COL4A2: variants seen among roughly 807,000 people sequenced by gnomAD.
The protein encoded by COL4A2 is collagen type IV alpha 2 chain.
In COL4A2, 99 loss-of-function variants were observed where a neutral mutation model predicts 200.2. The observed-to-expected ratio is 0.49, with a 90% confidence interval of 0.42 to 0.58. The LOEUF (loss-of-function observed/expected upper bound fraction) is 0.58, where lower values mean the gene tolerates loss of function less well. Among genes scored for constraint, COL4A2 ranks in the 20% least tolerant of loss-of-function variants. The pLI is 0.00. For synonymous variants in COL4A2, 897 were observed against 900.6 expected (o/e 1.00, Z 0.07); for missense variants, 1,950 against 2,314.1 (o/e 0.84, Z 3.23).
At chr13:110,491,414 T>C in intron 37 of COL4A2, 74 bp downstream of exon 37, 2 of 984,476 alleles carry the variant, frequency 2.0e-6, no homozygotes, top group Non-Finnish European at 3.2e-6. Flanking sequence ...GCGGTCAACA[T>C]TGTCAATTTC....
intron 4 of COL4A2, among the ~76,000 whole-genome samples, chr13:110,359,309 T>C (rs1252781870): frequency 6.6e-6 from 1 of 152,196 alleles, no homozygotes; most frequent in Non-Finnish European, 1.5e-5. Flanking sequence ...TAAAACTGAG[T>C]CTTGGTGTTA....
intron 33 of COL4A2, among the ~76,000 whole-genome samples, chr13:110,485,306 A>G (rs1019819376): frequency 3.9e-5 from 6 of 152,092 alleles, no homozygotes; most frequent in East Asian, 1.9e-4. Context: ...GGTGGATCAC[A>G]AGGTGAGGAG....
chr13:110,408,008 G>A (rs7319219), intron 4 of COL4A2, among the ~76,000 whole-genome samples: 150,875 of 152,368 alleles, frequency 0.99, 74,710 homozygotes, highest in East Asian at 1. Context: ...GCGTCCAGGA[G>A]GGAGGTAGGA....
chr13:110,505,285 G>A (rs1883819031), intron 45 of COL4A2, among the ~76,000 whole-genome samples: 1 of 152,192 alleles, frequency 6.6e-6, no homozygotes, highest in Non-Finnish European at 1.5e-5. Context: ...AGGAGGTGGA[G>A]GTTGCAATGA....
chr13:110,330,772 T>C (rs1875872822), intron 3 of COL4A2, among the ~76,000 whole-genome samples: 3 of 152,118 alleles, frequency 2.0e-5, no homozygotes, highest in Non-Finnish European at 4.4e-5. Context: ...CTAGATACTT[T>C]TTGCTGAGAG....
chr13:110,350,227 A>G (rs1325672245), intron 3 of COL4A2, among the ~76,000 whole-genome samples: 1 of 152,244 alleles, frequency 6.6e-6, no homozygotes, highest in Non-Finnish European at 1.5e-5. Flanking sequence ...AATGTAATCT[A>G]AGGTTTCTGG....
At chr13:110,381,307 C>T (rs750894426) in intron 4 of COL4A2, among the ~76,000 whole-genome samples, 30 of 146,702 alleles carry the variant, frequency 2.0e-4, no homozygotes, top group Admixed American at 5.4e-4. Context: ...TCACACCCAC[C>T]GGCTCTATCT....
chr13:110,375,858 A>G (rs990953556), intron 4 of COL4A2, among the ~76,000 whole-genome samples: 8 of 152,100 alleles, frequency 5.3e-5, no homozygotes, highest in African/African-American at 1.9e-4. Flanking sequence ...AGAGAAAATC[A>G]TCGTGATTAT....
rs1284610180 is a variant in COL4A2 at position 110,503,879 on chromosome 13, G to A, written c.4171G>A (p.Ala1391Thr). 16 of 1,613,848 alleles carry A rather than the reference G, an allele frequency of 9.9e-6. No homozygotes were observed. Among genetic ancestry groups the A allele is most frequent in the Non-Finnish European group, 1.4e-5 (16 of 1,179,840 alleles). Residue 1391 changes from alanine to threonine, a missense_variant, in exon 44 of 48, where the codon GCA (alanine) becomes ACA (threonine). Physicochemically the swap from Ala to Thr is moderately conservative, Grantham distance 58. Coordinates refer to ENST00000360467, the MANE Select transcript of COL4A2 (RefSeq NM_001846.4). ...APGTVGAPGI[A>T]GIPQKIAVQP... is the part of the protein sequence containing the mutation. ...CGGGACTGTGGGAGCCCCCGGGATT[G>A]CAGGAATCCCCCAGAAGATTGCCGT... is the stretch of plus-strand genomic sequence containing the variant.
At chr13:110,334,119 G>A (rs7993125) in intron 3 of COL4A2, among the ~76,000 whole-genome samples, 12,944 of 152,262 alleles carry the variant, frequency 0.085, 732 homozygotes, top group African/African-American at 0.15. Flanking sequence ...GCCTAGACAC[G>A]GCCTGAACAC....
rs1291877446 is a variant in COL4A2, at chr13:110,435,002, C to T, written c.726+560C>T. On this transcript the variant is annotated intron_variant, in intron 12 of 47. Transcript: ENST00000360467. ...CACCCCGCAAGCAAAACCTCACCAA[C>T]ACAGTCCCATTGCGTTCACCACAAA... 2.0e-5 allele frequency among the ~76,000 whole-genome samples: 3 copies of T among 152,242 alleles called. No homozygotes were observed. The East Asian group carries it at 5.8e-4, about 29-fold the overall frequency.
At chr13:110,407,320 C>T (rs1363732135) in intron 4 of COL4A2, among the ~76,000 whole-genome samples, 1 of 152,130 alleles carries the variant, frequency 6.6e-6, no homozygotes, top group East Asian at 1.9e-4. Context: ...GTTCAGTTCA[C>T]CAGGAGAAAC....
rs780193194 is a variant in COL4A2 at position 110,428,508 on chromosome 13, C to T, written c.402C>T (p.Tyr134=). Residue 134 remains tyrosine, a synonymous_variant, in exon 7 of 48, where the codon TAC becomes TAT. Coordinates refer to ENST00000360467, the MANE Select transcript of COL4A2 (RefSeq NM_001846.4). ...GQGGPRGRPG[Y]DGCNGTQGDS... is the part of the protein sequence containing the mutation. The stretch of plus-strand genomic sequence containing the variant: ...GTGGGCCCAGGGGAAGGCCGGGCTA[C>T]GATGGCTGCAACGGAACCCAGGGAG... 1.3e-5 allele frequency: 21 copies of T among 1,585,980 alleles called. No individual in the cohort carries two copies. The highest frequency in any genetic ancestry group is 9.2e-5 in the South Asian group (8 of 87,400).
At chr13:110,511,382 TA>T (rs372112718) in intron 47 of COL4A2, among the ~76,000 whole-genome samples, 1,759 of 148,424 alleles carry the variant, frequency 0.012, 32 homozygotes, top group African/African-American at 0.041. Context: ...AGTACAGATT[TA>T]AAAAAAAAAA....
intron 3 of COL4A2, among the ~76,000 whole-genome samples, chr13:110,355,674 G>T (rs1257167664): frequency 7.1e-5 from 4 of 56,202 alleles, no homozygotes; most frequent in Non-Finnish European, 3.0e-5. Context: ...GCTCACCTGT[G>T]TGTGGGGGTG....
chr13:110,476,356 CACAGTACT>C, intron 29 of COL4A2, among the ~76,000 whole-genome samples: 1 of 152,354 alleles, frequency 6.6e-6, no homozygotes, highest in South Asian at 2.1e-4. Context: ...CCTCATTTCT[CACAGTACT>C]ACAGGAGGAG....
At chr13:110,473,276 C>G (rs1882553654) in intron 29 of COL4A2, 126 bp downstream of exon 29, 2 of 810,576 alleles carry the variant, frequency 2.5e-6, no homozygotes. Context: ...GCCATGCGTA[C>G]CTTCTCCCAT....
At chr13:110,425,230 C>G (rs1022475504) in intron 6 of COL4A2, among the ~76,000 whole-genome samples, 1 of 152,194 alleles carries the variant, frequency 6.6e-6, no homozygotes, top group African/African-American at 2.4e-5. Flanking sequence ...TTTTGCTAAA[C>G]TGCACATTGT....
At chr13:110,487,041 G>T (rs1404537285) in intron 34 of COL4A2, among the ~76,000 whole-genome samples, 1 of 152,224 alleles carries the variant, frequency 6.6e-6, no homozygotes, top group Non-Finnish European at 1.5e-5. Context: ...CTGTGTGTCT[G>T]TCTGGCCCAC....
Sources: allele counts gnomAD v4.1 joint callset (sites outside exome capture counted in the v4.1 genomes callset), GRCh38; gene constraint gnomAD v4.1.1; transcripts MANE v1.5; gene names NCBI Gene and HGNC (gene_info 2026-07-23, HGNC 2026-07-21).